ZBTB38: variants seen among roughly 807,000 people sequenced by gnomAD.
The protein encoded by ZBTB38 is zinc finger and BTB domain containing 38.
In ZBTB38, 20 loss-of-function variants were observed where a neutral mutation model predicts 76.8. The ratio of observed to expected loss-of-function variants is 0.26; its 90% CI spans 0.18 to 0.38. The LOEUF (loss-of-function observed/expected upper bound fraction) is 0.38. Among genes scored for constraint, ZBTB38 ranks in the 10% least tolerant of loss-of-function variants. The pLI is 1.00. For missense variants in ZBTB38, 1,082 were observed against 1,482.3 expected, an observed-to-expected ratio of 0.73 and a Z score of 4.43; for synonymous variants, 504 against 544.2, an observed-to-expected ratio of 0.93 and a Z score of 1.03.
chr3:141,403,895 C>A (rs1953299434), intron 4 of ZBTB38, 32 bp from the exon 5 acceptor site: 1 of 152,186 alleles, frequency 6.6e-6, no homozygotes, highest in Non-Finnish European at 1.5e-5. Flanking sequence ...AGCAGCTAGT[C>A]ATGGGACACT....
chr3:141,383,404 G>A (rs1432653780), intron 3 of ZBTB38, among the ~76,000 whole-genome samples: 2 of 151,970 alleles, frequency 1.3e-5, no homozygotes, highest in African/African-American at 2.4e-5. Flanking sequence ...ATTTCAATTG[G>A]AATAGCCTAA....
chr3:141,408,356 G>C (rs1248467422), intron 5 of ZBTB38, among the ~76,000 whole-genome samples: 1 of 152,198 alleles, frequency 6.6e-6, no homozygotes, highest in Non-Finnish European at 1.5e-5. Context: ...GGACCAGCCT[G>C]GCCAACGTGG....
intron 1 of ZBTB38, among the ~76,000 whole-genome samples, chr3:141,349,328 A>G (rs1310682073): frequency 6.6e-6 from 1 of 152,240 alleles, no homozygotes; most frequent in Non-Finnish European, 1.5e-5. Context: ...TACATTATAT[A>G]TTAATTCATT....
chr3:141,327,240 T>C (rs1942700813), intron 1 of ZBTB38, among the ~76,000 whole-genome samples: 1 of 152,174 alleles, frequency 6.6e-6, no homozygotes, highest in African/African-American at 2.4e-5. Context: ...TCCATACTCC[T>C]TAAGTGTGGG....
intron 1 of ZBTB38, among the ~76,000 whole-genome samples, chr3:141,344,834 C>G (rs1346422715): frequency 2.6e-5 from 4 of 152,242 alleles, no homozygotes; most frequent in African/African-American, 9.6e-5. Context: ...ACCTCAAGGT[C>G]CATAATCTTA....
chr3:141,405,288 G>A (rs79897227), intron 5 of ZBTB38, among the ~76,000 whole-genome samples: 2,408 of 152,276 alleles, frequency 0.016, 67 homozygotes, highest in African/African-American at 0.054. Flanking sequence ...ACGGATGTTG[G>A]AGATTGACCC....
At chr3:141,331,884 C>T (rs1300568176) in intron 1 of ZBTB38, among the ~76,000 whole-genome samples, 2 of 152,180 alleles carry the variant, frequency 1.3e-5, no homozygotes, top group East Asian at 3.9e-4. Flanking sequence ...TGAGTCAGGG[C>T]CCCTGGGAGT....
chr3:141,346,782 T>TTGTGTGTGTGTGTGTGTGTGTG (rs56345431), intron 1 of ZBTB38, among the ~76,000 whole-genome samples: 45 of 144,684 alleles, frequency 3.1e-4, no homozygotes, highest in African/African-American at 1.2e-3. Flanking sequence ...TTGTTTTGTT[T>TTGTGTGTGTGTGTGTGTGTGTG]TGTGTGTGTG....
intron 1 of ZBTB38, among the ~76,000 whole-genome samples, chr3:141,350,879 T>C (rs1370550518): frequency 6.6e-6 from 1 of 152,186 alleles, no homozygotes; most frequent in Admixed American, 6.5e-5. Flanking sequence ...GAATACAGCA[T>C]GCGCTAGCAA....
At chr3:141,347,108 C>T (rs538139943) in intron 1 of ZBTB38, among the ~76,000 whole-genome samples, 6 of 152,262 alleles carry the variant, frequency 3.9e-5, no homozygotes, top group Non-Finnish European at 7.4e-5. Context: ...CTGTTTCAAA[C>T]GCCACACAGT....
At chr3:141,405,143 A>G (rs547669060) in intron 5 of ZBTB38, among the ~76,000 whole-genome samples, 1 of 152,344 alleles carries the variant, frequency 6.6e-6, no homozygotes, top group Admixed American at 6.5e-5. Context: ...TTGAGCTTCT[A>G]CAAGGCACTT....
chr3:141,352,803 TA>T (rs1943557417), intron 1 of ZBTB38, among the ~76,000 whole-genome samples: 1 of 151,598 alleles, frequency 6.6e-6, no homozygotes, highest in Non-Finnish European at 1.5e-5. Flanking sequence ...GCTGCAGCCA[TA>T]AAAGCCATAT....
chr3:141,368,040 G>A (rs1002079812), upstream of ZBTB38, among the ~76,000 whole-genome samples: 3 of 152,196 alleles, frequency 2.0e-5, no homozygotes, highest in African/African-American at 4.8e-5. Flanking sequence ...GGAGCTGCCC[G>A]GGGATGGTGA....
At chr3:141,421,077 T>G (rs2075251649) in intron 5 of ZBTB38, among the ~76,000 whole-genome samples, 1 of 151,996 alleles carries the variant, frequency 6.6e-6, no homozygotes, top group Non-Finnish European at 1.5e-5. Context: ...ACTTACTACT[T>G]GCTATGTACT....
At chr3:141,336,708 T>C (rs1319259059) in intron 1 of ZBTB38, among the ~76,000 whole-genome samples, 1 of 152,208 alleles carries the variant, frequency 6.6e-6, no homozygotes, top group African/African-American at 2.4e-5. Context: ...GGTTTCTCAC[T>C]AGGGCCACGG....
chr3:141,344,357 A>G (rs766994680), intron 1 of ZBTB38, among the ~76,000 whole-genome samples: 1 of 151,364 alleles, frequency 6.6e-6, no homozygotes, highest in Non-Finnish European at 1.5e-5. Flanking sequence ...TCCTTCCTCC[A>G]TCTTCTTCTT....
At chr3:141,360,097 G>T (rs1047508044) in intron 1 of ZBTB38, among the ~76,000 whole-genome samples, 4 of 152,140 alleles carry the variant, frequency 2.6e-5, no homozygotes, top group African/African-American at 9.7e-5. Context: ...CTAATTTCTA[G>T]TTAGACAGCA....
chr3:141,332,913 T>C (rs1942894232), intron 1 of ZBTB38, among the ~76,000 whole-genome samples: 1 of 152,128 alleles, frequency 6.6e-6, no homozygotes, highest in South Asian at 2.1e-4. Context: ...AGAGAACTCA[T>C]CAGAAAAGGA....
intron 5 of ZBTB38, chr3:141,405,775 A>G (rs1445918070): frequency 6.6e-6 from 1 of 152,236 alleles, no homozygotes; most frequent in East Asian, 1.9e-4. Context: ...TGTGCTAGAG[A>G]GAATGGAGAA....
Sources: allele counts gnomAD v4.1 joint callset (sites outside exome capture counted in the v4.1 genomes callset), GRCh38; gene constraint gnomAD v4.1.1; transcripts MANE v1.5; gene names NCBI Gene and HGNC (gene_info 2026-07-23, HGNC 2026-07-21).